URB1: variants seen among roughly 807,000 people sequenced by gnomAD.
URB1 encodes the protein nucleolar pre-ribosomal-associated protein 1.
A neutral mutation model predicts 242.3 loss-of-function variants in URB1; 197 were observed. The observed-to-expected ratio is 0.81, with a 90% CI of 0.72 to 0.91. The LOEUF (loss-of-function observed/expected upper bound fraction) is 0.91. URB1 is among the 40% of genes least tolerant of loss of function. URB1 has a pLI of 0.00. For missense variants in URB1, 2,721 were observed against 2,860.5 expected (o/e 0.95, Z 1.11); for synonymous variants, 1,153 against 1,201.8 (o/e 0.96, Z 0.84).
chr21:32,366,555 A>T, intron 10 of URB1, 63 bp downstream of exon 10: 1 of 1,543,176 alleles, frequency 6.5e-7, no homozygotes, highest in Non-Finnish European at 8.8e-7. Context: ...GAATAATCAC[A>T]TCATGTAGCC....
At chr21:32,367,099 T>C (rs1368324684) in intron 9 of URB1, among the ~76,000 whole-genome samples, 2 of 152,212 alleles carry the variant, frequency 1.3e-5, no homozygotes, top group African/African-American at 2.4e-5. Context: ...TGACAAATGA[T>C]GTCAGGAAGG....
intron 1 of URB1, among the ~76,000 whole-genome samples, chr21:32,391,218 C>A (rs1262587295): frequency 2.0e-5 from 1 of 50,968 alleles, no homozygotes. Context: ...GGCCTGTTGT[C>A]GGGTCGGGGG....
intron 30 of URB1, among the ~76,000 whole-genome samples, chr21:32,332,065 G>A (rs2123558430): frequency 6.6e-6 from 1 of 152,302 alleles, no homozygotes; most frequent in Admixed American, 6.5e-5. Context: ...GTCACAAGCG[G>A]GACAGATGGA....
intron 30 of URB1, among the ~76,000 whole-genome samples, chr21:32,325,778 C>T (rs1463022768): frequency 6.6e-6 from 1 of 152,166 alleles, no homozygotes; most frequent in African/African-American, 2.4e-5. Flanking sequence ...CCACCTTGCT[C>T]AGCCCTCCAC....
At chr21:32,344,874 T>G in intron 23 of URB1, 118 bp from the exon 24 acceptor site, 1 of 1,179,344 alleles carries the variant, frequency 8.5e-7, no homozygotes, top group Non-Finnish European at 1.1e-6. Context: ...CTCCCCACAC[T>G]ACCCACTCAC....
At chr21:32,346,912 T>C in intron 22 of URB1, 44 bp downstream of exon 22, 4 of 1,461,920 alleles carry the variant, frequency 2.7e-6, no homozygotes, top group Non-Finnish European at 3.6e-6. Context: ...TCTTAGCCCG[T>C]GCAACTTAAG....
intron 5 of URB1, chr21:32,377,237 C>T (rs535969323): frequency 3.9e-6 from 2 of 518,944 alleles, no homozygotes; most frequent in South Asian, 2.8e-5. Context: ...AGAGGCCAGG[C>T]AATGGTTCAG....
intron 35 of URB1, among the ~76,000 whole-genome samples, chr21:32,320,240 C>G (rs1466059540): frequency 1.3e-5 from 2 of 152,232 alleles, no homozygotes; most frequent in African/African-American, 4.8e-5. Flanking sequence ...CTGTGCAGAA[C>G]AGAGCCAGAC....
At chr21:32,370,389 T>A (rs951089183) in intron 8 of URB1, among the ~76,000 whole-genome samples, 1 of 152,210 alleles carries the variant, frequency 6.6e-6, no homozygotes, top group Non-Finnish European at 1.5e-5. Flanking sequence ...GAAAATGTCA[T>A]GAACAAAATA....
chr21:32,363,278 A>G lies in URB1; in HGVS notation c.1387T>C (p.Leu463=). 6.4e-7 allele frequency: 1 copy of G among 1,551,856 alleles called. No individual in the cohort carries two copies. The highest frequency in any genetic ancestry group is 8.7e-7 in the Non-Finnish European group (1 of 1,147,040). Reference sequence around the variant, plus strand: ...TCAACAGTTTTTAATGCCCTCTTCAAAATGACAGAAATAAGGGATAAGGCT... The same window carrying G: ...TCAACAGTTTTTAATGCCCTCTTCAGAATGACAGAAATAAGGGATAAGGCT... ...HTALSLISVI[L]KRALKTVDHC... Residue 463 remains leucine, a synonymous_variant, in exon 11 of 39, where the codon TTG becomes CTG. Transcript: ENST00000382751.
chr21:32,336,381 C>T (rs1601129699), intron 28 of URB1, among the ~76,000 whole-genome samples: 1 of 152,308 alleles, frequency 6.6e-6, no homozygotes, highest in Non-Finnish European at 1.5e-5. Context: ...GCTGAACACA[C>T]ACACACACGT....
chr21:32,392,952 G>C lies in URB1; in HGVS notation c.-42C>G. Reference sequence around the variant, plus strand: ...GCGCGACGGAAACGACACACCTGAGGGGACCCGGCAGGAGCACTGGCACAG... The same window carrying C: ...GCGCGACGGAAACGACACACCTGAGCGGACCCGGCAGGAGCACTGGCACAG... On this transcript the variant is annotated 5_prime_UTR_variant, in exon 1 of 39. Coordinates refer to ENST00000382751, the MANE Select transcript of URB1 (RefSeq NM_014825.3). 4 of 1,460,982 alleles carry C rather than the reference G, an allele frequency of 2.7e-6. No individual in the cohort carries two copies. The highest frequency in any genetic ancestry group is 3.6e-6 in the Non-Finnish European group (4 of 1,106,152). The allele number at this position is 1,460,982 out of a possible 1,614,324, so 90.5% of individuals were successfully genotyped here.
At chr21:32,334,478 A>G (rs550230437) in intron 28 of URB1, 144 bp from the exon 29 acceptor site, 1 of 979,834 alleles carries the variant, frequency 1.0e-6, no homozygotes, top group African/African-American at 1.6e-5. Context: ...ATATCACTCA[A>G]TCCCATCACA....
intron 18 of URB1, 124 bp downstream of exon 18, chr21:32,353,809 G>T: frequency 8.3e-7 from 1 of 1,202,238 alleles, no homozygotes; most frequent in African/African-American, 1.5e-5. Context: ...CACTCTGGGG[G>T]TTCTGACCTC....
At position 32,333,383 on chromosome 21, in the gene URB1, C is replaced by A. The variant is rs1246324153; in HGVS notation, c.4894G>T (p.Val1632Leu). 6 of 1,551,594 alleles carry A rather than the reference C, an allele frequency of 3.9e-6. No individual in the cohort carries two copies. Among genetic ancestry groups the A allele is most frequent in the East Asian group, 2.4e-5 (1 of 40,920 alleles). Reference protein sequence around the residue: ...QELIFKDKSRVDLDGLYDPCF... With the variant: ...QELIFKDKSRLDLDGLYDPCF... ...GGGTCATAGAGGCCATCAAGATCCA[C>A]CCTGCTTTTGTCTTTGAATATCAGC... The change falls in exon 30 of 39, where the codon GTG becomes TTG. Residue 1632 changes from valine (V) to leucine (L), a missense_variant. Coordinates refer to ENST00000382751, the MANE Select transcript of URB1 (RefSeq NM_014825.3).
chr21:32,317,818 G>A lies in URB1; in HGVS notation c.5892C>T (p.Asn1964=), dbSNP rs377340592. Residue 1964 remains asparagine (N), a synonymous_variant, in exon 37 of 39, where the codon AAC becomes AAT. Coordinates refer to ENST00000382751, the MANE Select transcript of URB1 (RefSeq NM_014825.3). ...ATVIQAFRDM[N]RFTVNETVLS... ...GCACTGTCTCATTTACGGTGAATCT[G>A]TTCATGTCCCTAAAGGCCTGTATGA... 1.7e-4 allele frequency: 262 copies of A among 1,551,998 alleles called. 1 individual carries two copies. The African/African-American group carries it at 3.3e-3, about 20-fold the overall frequency.
At chr21:32,322,111 T>C (rs925185688) in intron 33 of URB1, among the ~76,000 whole-genome samples, 167 bp from the exon 34 acceptor site, 1 of 152,248 alleles carries the variant, frequency 6.6e-6, no homozygotes, top group Non-Finnish European at 1.5e-5. Context: ...ATTCCATTTC[T>C]TCAGGTCAGA....
At chr21:32,326,720 T>C (rs1052819759) in intron 30 of URB1, among the ~76,000 whole-genome samples, 5 of 152,168 alleles carry the variant, frequency 3.3e-5, no homozygotes, top group African/African-American at 1.2e-4. Flanking sequence ...GTGCCTGCTT[T>C]CCCTTTGCCT....
Position 32,355,453 on chromosome 21 carries a change from T to G in URB1, c.2102A>C (p.Glu701Ala). The change falls in exon 16 of 39, where the codon GAA (glutamate) becomes GCA (alanine). Residue 701 changes from glutamate (E) to alanine (A), a missense_variant. By Grantham distance (107) the Glu-to-Ala change is moderately radical. Coordinates refer to ENST00000382751, the MANE Select transcript of URB1 (RefSeq NM_014825.3). Reference sequence around the variant, plus strand: ...ATGTGGGAAATATGTGCTTACGCGTTCCAGAAACTGAATCACAGTCTCTTT... The same window carrying G: ...ATGTGGGAAATATGTGCTTACGCGTGCCAGAAACTGAATCACAGTCTCTTT... ...EDKETVIQFLERILLTLVANP... is the reference protein window; with the variant it reads ...EDKETVIQFLARILLTLVANP... 6.4e-7 allele frequency: 1 copy of G among 1,551,180 alleles called. No homozygotes were observed. Among genetic ancestry groups the G allele is most frequent in the Non-Finnish European group, 8.7e-7 (1 of 1,146,348 alleles).
Sources: gnomAD v4.1 joint callset for allele counts (sites outside exome capture counted in the v4.1 genomes callset) on GRCh38, gnomAD v4.1.1 for gene constraint, MANE v1.5 for transcripts, NCBI Gene and HGNC (gene_info 2026-07-23, HGNC 2026-07-21) for gene names.